The following CTIF variants were observed in gnomAD, a reference collection of about 807,000 sequenced individuals.
CTIF encodes cap binding complex dependent translation initiation factor.
In CTIF, 21 loss-of-function variants were observed where a neutral mutation model predicts 66.0. The observed-to-expected ratio is 0.32, with a 90% CI of 0.23 to 0.46. The LOEUF (loss-of-function observed/expected upper bound fraction) is 0.46, where lower values mean the gene tolerates loss of function less well. CTIF is among the 20% of genes least tolerant of loss of function. The probability of loss-of-function intolerance (pLI) is 1.00; values close to 1 mark genes in which losing one functional copy is unlikely to be tolerated. For synonymous variants in CTIF, 345 were observed against 326.4 expected, an observed-to-expected ratio of 1.06 and a Z score of -0.62; for missense variants, 739 against 812.7, an observed-to-expected ratio of 0.91 and a Z score of 1.10.
chr18:48,561,579 C>T (rs1047019664), intron 1 of CTIF, among the ~76,000 whole-genome samples: 3 of 152,176 alleles, frequency 2.0e-5, no homozygotes, highest in South Asian at 2.1e-4. Flanking sequence ...GATCAGGGGA[C>T]ACTCCATCCC....
At chr18:48,736,265 G>A (rs2092501958) in intron 7 of CTIF, among the ~76,000 whole-genome samples, 1 of 152,138 alleles carries the variant, frequency 6.6e-6, no homozygotes, top group Non-Finnish European at 1.5e-5. Flanking sequence ...GGATGAGGAA[G>A]GTGAAGGGCT....
chr18:48,579,251 A>G (rs2089600326), intron 1 of CTIF, among the ~76,000 whole-genome samples: 1 of 152,032 alleles, frequency 6.6e-6, no homozygotes, highest in Non-Finnish European at 1.5e-5. Context: ...AATTCAAGTG[A>G]TTCTCCTGCC....
chr18:48,742,082 C>G, intron 7 of CTIF, among the ~76,000 whole-genome samples: 1 of 152,218 alleles, frequency 6.6e-6, no homozygotes, highest in South Asian at 2.1e-4. Context: ...CAGGGATGAG[C>G]TGTGGACATA....
intron 9 of CTIF, among the ~76,000 whole-genome samples, chr18:48,796,704 C>G (rs952945496): frequency 1.2e-4 from 19 of 152,218 alleles, no homozygotes; most frequent in African/African-American, 3.9e-4. Flanking sequence ...GGACTTAGAA[C>G]AGGCAAAGCC....
chr18:48,611,106 G>T (rs2090300404), intron 1 of CTIF, among the ~76,000 whole-genome samples: 1 of 152,222 alleles, frequency 6.6e-6, no homozygotes, highest in Non-Finnish European at 1.5e-5. Flanking sequence ...ATACCTGAGT[G>T]GCTCCCAGTA....
At chr18:48,782,269 A>G (rs1364933521) in intron 9 of CTIF, among the ~76,000 whole-genome samples, 1 of 150,498 alleles carries the variant, frequency 6.6e-6, no homozygotes, top group Admixed American at 6.6e-5. Flanking sequence ...TTCTCCAGGG[A>G]GACAGGGGAA....
chr18:48,762,920 C>G (rs1006493473), intron 9 of CTIF, among the ~76,000 whole-genome samples: 3 of 152,268 alleles, frequency 2.0e-5, no homozygotes, highest in Admixed American at 2.0e-4. Flanking sequence ...GTTGCACTCA[C>G]TGCAACATGA....
intron 1 of CTIF, among the ~76,000 whole-genome samples, chr18:48,568,674 TTA>T (rs2089340207): frequency 1.6e-5 from 1 of 62,234 alleles, no homozygotes; most frequent in South Asian, 5.4e-4. Context: ...AAAAAGAGGT[TTA>T]ATGGACTCAC....
chr18:48,663,867 C>A, intron 4 of CTIF, 42 bp downstream of exon 4: 2 of 1,573,296 alleles, frequency 1.3e-6, no homozygotes, highest in Non-Finnish European at 1.7e-6. Context: ...TGAGGTCCAG[C>A]CGGGGAAACT....
At chr18:48,710,317 G>A (rs2092210290) in intron 6 of CTIF, among the ~76,000 whole-genome samples, 1 of 152,198 alleles carries the variant, frequency 6.6e-6, no homozygotes, top group African/African-American at 2.4e-5. Context: ...GGACCCTGTG[G>A]CTCCCTGTCA....
chr18:48,673,614 C>T (rs940404654), intron 6 of CTIF: 2 of 152,096 alleles, frequency 1.3e-5, no homozygotes, highest in African/African-American at 4.8e-5. Context: ...CTTGGGGACT[C>T]CAGGGTCCAG....
At chr18:48,592,501 A>G (rs1159871795) in intron 1 of CTIF, among the ~76,000 whole-genome samples, 8 of 150,572 alleles carry the variant, frequency 5.3e-5, no homozygotes, top group Non-Finnish European at 8.9e-5. Flanking sequence ...CTGTCTCAAA[A>G]AAAAAAAAAA....
At chr18:48,646,012 T>C (rs1345873566) in intron 3 of CTIF, among the ~76,000 whole-genome samples, 6 of 152,212 alleles carry the variant, frequency 3.9e-5, no homozygotes, top group African/African-American at 1.4e-4. Context: ...AAATTGTTTG[T>C]CATATCACAA....
chr18:48,644,698 T>C lies in CTIF; in HGVS notation c.252+8013T>C, dbSNP rs1011222755. The stretch of plus-strand genomic sequence containing the variant: ...GCCTGGTCTCTGCACTCAGGGAAGC[T>C]GGAATCTGCTTAGGGAAATAAGCTA... On this transcript the variant is annotated intron_variant, in intron 3 of 11. Coordinates refer to ENST00000256413, the MANE Select transcript of CTIF (RefSeq NM_014772.3). Among the ~76,000 whole-genome samples the C allele has an allele frequency of 2.6e-5, 4 of 152,208 alleles. No homozygotes were observed. The South Asian group carries it at 8.3e-4, about 32-fold the overall frequency.
In CTIF at chr18:48,733,556, G is replaced by A. The variant is rs189333532; in HGVS notation, c.584+21861G>A. ...AGGAGTTACAGGGAAACAGATTGTC[G>A]GGCAAGGGTCTCTGGCCCCCCTCCC... On this transcript the variant is annotated intron_variant, in intron 7 of 11. Transcript: ENST00000256413. Among the ~76,000 whole-genome samples, 436 of 152,318 alleles carry A rather than the reference G, an allele frequency of 2.9e-3. 1 individual carries two copies. The highest frequency in any genetic ancestry group is 3.9e-3 in the Non-Finnish European group (264 of 68,024).
intron 9 of CTIF, among the ~76,000 whole-genome samples, chr18:48,815,216 C>T (rs2068337703): frequency 6.6e-6 from 1 of 152,224 alleles, no homozygotes; most frequent in Non-Finnish European, 1.5e-5. Flanking sequence ...TGTTGTATAC[C>T]TTAAATATAC....
chr18:48,600,385 C>T (rs2090069086), intron 1 of CTIF, among the ~76,000 whole-genome samples: 1 of 152,116 alleles, frequency 6.6e-6, no homozygotes, highest in Admixed American at 6.5e-5. Context: ...ACCTTTGTAA[C>T]TGTTGTGTTT....
chr18:48,744,093 G>C (rs2092576093), intron 7 of CTIF, among the ~76,000 whole-genome samples: 1 of 152,278 alleles, frequency 6.6e-6, no homozygotes, highest in Non-Finnish European at 1.5e-5. Flanking sequence ...GCCCTCCCAA[G>C]TTCCCCAAGA....
intron 10 of CTIF, among the ~76,000 whole-genome samples, chr18:48,841,677 AGGCAGGCG>A (rs75565301): frequency 0.27 from 41,149 of 151,680 alleles, 5,730 homozygotes; most frequent in African/African-American, 0.33. Context: ...GCTGGTGGGC[AGGCAGGCG>A]GGCAGGCGGG....
Sources: gnomAD v4.1 joint callset for allele counts (sites outside exome capture counted in the v4.1 genomes callset) on GRCh38, gnomAD v4.1.1 for gene constraint, MANE v1.5 for transcripts, NCBI Gene and HGNC (gene_info 2026-07-23, HGNC 2026-07-21) for gene names.